Variants in NRXN1 observed in about 807,000 individuals in gnomAD.
NRXN1 encodes neurexin 1.
Under a neutral mutation model 150.9 loss-of-function variants are expected in NRXN1, and 39 were observed. That is an observed-to-expected ratio of 0.26 (90% CI 0.20 to 0.34). The LOEUF is 0.34. Among genes scored for constraint, NRXN1 ranks in the 10% least tolerant of loss-of-function variants. The probability of loss-of-function intolerance (pLI) is 1.00; values close to 1 mark genes in which losing one functional copy is unlikely to be tolerated. For synonymous variants in NRXN1, 924 were observed against 757.0 expected, an observed-to-expected ratio of 1.22 and a Z score of -3.62; for missense variants, 1,815 against 1,949.9, an observed-to-expected ratio of 0.93 and a Z score of 1.30.
intron 18 of NRXN1, among the ~76,000 whole-genome samples, chr2:50,102,157 G>T (rs1394635754): frequency 1.3e-5 from 2 of 151,990 alleles, no homozygotes; most frequent in South Asian, 2.1e-4. Flanking sequence ...TGGCACAACA[G>T]AGGAGAATAT....
chr2:50,629,688 TTAA>T (rs1681896050), intron 5 of NRXN1, among the ~76,000 whole-genome samples: 1 of 151,698 alleles, frequency 6.6e-6, no homozygotes, highest in Non-Finnish European at 1.5e-5. Flanking sequence ...TTCTTCCTGA[TTAA>T]TAAGATGATA....
chr2:50,349,823 T>C (rs2078284993), intron 17 of NRXN1, among the ~76,000 whole-genome samples: 1 of 152,210 alleles, frequency 6.6e-6, no homozygotes, highest in Non-Finnish European at 1.5e-5. Context: ...TTGCCTTCCA[T>C]CTAAAAGATA....
Position 50,538,557 on chromosome 2 carries a change from C to G in NRXN1, c.1839G>C (p.Leu613Phe), listed in dbSNP as rs768832393. 1.3e-6 allele frequency: 2 copies of G among 1,575,612 alleles called. No homozygotes were observed. Among genetic ancestry groups the G allele is most frequent in the Non-Finnish European group, 1.7e-6 (2 of 1,159,118 alleles). Reference sequence around the variant, plus strand: ...TATTTTCTGGCAGCCCCCCCAGGTACAACTCATCATCCAGGTCCAGAATCT... The same window carrying G: ...TATTTTCTGGCAGCCCCCCCAGGTAGAACTCATCATCCAGGTCCAGAATCT... Reference protein sequence around the residue: ...ESEILDLDDELYLGGLPENKA... With the variant: ...ESEILDLDDEFYLGGLPENKA... Residue 613 changes from leucine (L) to phenylalanine (F), a missense_variant, in exon 10 of 23, where the codon TTG (leucine) becomes TTC (phenylalanine). Leu to Phe is a conservative substitution (Grantham distance 22). Coordinates refer to ENST00000401669, the MANE Select transcript of NRXN1 (RefSeq NM_001330078.2).
At chr2:50,995,602 CAAAAAAAA>C (rs34952996) in intron 2 of NRXN1, among the ~76,000 whole-genome samples, 6 of 71,912 alleles carry the variant, frequency 8.3e-5, no homozygotes, top group African/African-American at 3.6e-4. Flanking sequence ...TAGACTCTGT[CAAAAAAAA>C]AAAAAAAAAA....
chr2:50,463,240 T>C (rs1181315061), intron 17 of NRXN1, among the ~76,000 whole-genome samples: 1 of 151,894 alleles, frequency 6.6e-6, no homozygotes, highest in Non-Finnish European at 1.5e-5. Flanking sequence ...AAGTGTTGCA[T>C]GCTATTTCTA....
intron 17 of NRXN1, among the ~76,000 whole-genome samples, chr2:50,464,848 G>T (rs1024868456): frequency 6.6e-6 from 1 of 151,844 alleles, no homozygotes; most frequent in East Asian, 1.9e-4. Flanking sequence ...GGCACTAGCA[G>T]ATATGCCATG....
intron 12 of NRXN1, among the ~76,000 whole-genome samples, chr2:50,509,135 C>A (rs952403228): frequency 1.3e-5 from 2 of 152,204 alleles, no homozygotes; most frequent in Non-Finnish European, 2.9e-5. Context: ...GGTCACACAG[C>A]TAAAAAGTGG....
chr2:50,523,112 T>G (rs944141031), intron 12 of NRXN1, among the ~76,000 whole-genome samples: 3 of 149,928 alleles, frequency 2.0e-5, no homozygotes, highest in Admixed American at 1.3e-4. Flanking sequence ...CTGTCAGAAA[T>G]CTATGTTCAT....
chr2:50,509,443 ACAG>A (rs1471035290), intron 12 of NRXN1, among the ~76,000 whole-genome samples: 1 of 152,186 alleles, frequency 6.6e-6, no homozygotes, highest in Admixed American at 6.5e-5. Flanking sequence ...AAGATATGAC[ACAG>A]AAGAAGGGAC....
At chr2:50,359,817 A>T (rs1202573663) in intron 17 of NRXN1, among the ~76,000 whole-genome samples, 1 of 152,164 alleles carries the variant, frequency 6.6e-6, no homozygotes, top group African/African-American at 2.4e-5. Context: ...AGATTCACCA[A>T]GGTTGAAATG....
intron 5 of NRXN1, among the ~76,000 whole-genome samples, chr2:50,862,381 G>C (rs1224056648): frequency 6.6e-6 from 1 of 152,004 alleles, no homozygotes; most frequent in Non-Finnish European, 1.5e-5. Context: ...TATTATGTCA[G>C]GGGGTTCCTA....
chr2:50,537,165 C>T (rs188865220), intron 10 of NRXN1, among the ~76,000 whole-genome samples: 10 of 152,056 alleles, frequency 6.6e-5, no homozygotes, highest in African/African-American at 1.7e-4. Context: ...AGGAGGTTTT[C>T]GGCAAACTGA....
chr2:50,087,444 C>A (rs1456414465), intron 19 of NRXN1, among the ~76,000 whole-genome samples: 1 of 152,004 alleles, frequency 6.6e-6, no homozygotes, highest in Non-Finnish European at 1.5e-5. Flanking sequence ...CTGAAGCAAT[C>A]TTTAGTCAGG....
chr2:50,361,303 CA>C lies in NRXN1; in HGVS notation c.3364+104138del, dbSNP rs534307251. 2.0e-5 allele frequency among the ~76,000 whole-genome samples: 3 copies of C among 151,932 alleles called. No homozygotes were observed. In the South Asian group the frequency reaches 6.2e-4, roughly 32 times the overall value. ...GGAGATAGAGACACAAAAAAACCTT[CA>C]AAAAATCAATGAAAACAGGAGGTGT... On this transcript the variant is annotated intron_variant, in intron 17 of 22. Coordinates refer to ENST00000401669, the MANE Select transcript of NRXN1 (RefSeq NM_001330078.2).
chr2:50,784,489 A>C (rs1443208295), intron 5 of NRXN1, among the ~76,000 whole-genome samples: 1 of 152,088 alleles, frequency 6.6e-6, no homozygotes, highest in Non-Finnish European at 1.5e-5. Context: ...ATGAAAAAAC[A>C]TGGTGAGTAT....
chr2:50,618,999 C>A (rs1297847882), intron 8 of NRXN1: 1 of 152,008 alleles, frequency 6.6e-6, no homozygotes, highest in Admixed American at 6.6e-5. Context: ...CTATATACAT[C>A]CACATACTGG....
chr2:50,235,972 C>A, intron 18 of NRXN1, among the ~76,000 whole-genome samples: 1 of 151,998 alleles, frequency 6.6e-6, no homozygotes, highest in East Asian at 1.9e-4. Flanking sequence ...TAATAAAAGA[C>A]ACTGTGCTTC....
In NRXN1 at chr2:49,919,537, A is replaced by AGAT. The variant is rs1378621028; in HGVS notation, c.*2404_*2406dup. The AGAT allele has an allele frequency of 6.6e-6, 1 of 151,944 alleles. No individual in the cohort carries two copies. The highest frequency in any genetic ancestry group is 2.4e-5 in the African/African-American group (1 of 41,414). The allele number at this position is 151,944 out of a possible 1,614,324, so 9.4% of individuals were successfully genotyped here. A position where few individuals can be genotyped will look rare whatever the true frequency, so the allele number is the denominator to read the frequency against. ...AGATGGAAACTGGTTCAAGCTTAAT[A>AGAT]GATAAAATAGAAAAGCAATCTTAAA... On this transcript the variant is annotated 3_prime_UTR_variant, in exon 23 of 23. Coordinates refer to ENST00000401669, the MANE Select transcript of NRXN1 (RefSeq NM_001330078.2).
In NRXN1 at chr2:50,364,821, C is replaced by T. The variant is rs993361722; in HGVS notation, c.3364+100621G>A. Among the ~76,000 whole-genome samples, 6 of 152,106 alleles carry T rather than the reference C, an allele frequency of 3.9e-5. No individual in the cohort carries two copies. In the East Asian group the frequency reaches 1.2e-3, roughly 29 times the overall value. On this transcript the variant is annotated intron_variant, in intron 17 of 22. Transcript: ENST00000401669. The stretch of plus-strand genomic sequence containing the variant: ...CCTACTTGAGGGATTAGATAGTACC[C>T]TCTTTTGTACTGTTAAATCAAAGTT...
Sources: gnomAD v4.1 joint callset for allele counts (sites outside exome capture counted in the v4.1 genomes callset) on GRCh38, gnomAD v4.1.1 for gene constraint, MANE v1.5 for transcripts, NCBI Gene and HGNC (gene_info 2026-07-23, HGNC 2026-07-21) for gene names.